CIITA: variants seen among roughly 807,000 people sequenced by gnomAD.
The protein encoded by CIITA is class II major histocompatibility complex transactivator, also known as MHC class II transactivator.
A neutral mutation model predicts 115.1 loss-of-function variants in CIITA; 72 were observed. That is an observed-to-expected ratio of 0.63 (90% confidence interval 0.52 to 0.76). CIITA has a LOEUF of 0.76. Ranked by LOEUF, CIITA falls within the 30% of genes least tolerant of loss-of-function variation. CIITA has a pLI of 0.00. For missense variants in CIITA, 1,617 were observed against 1,463.8 expected (o/e 1.10, Z -1.71); for synonymous variants, 763 against 635.6 (o/e 1.20, Z -3.02).
At chr16:10,918,399 A>G in intron 15 of CIITA, 41 bp from the exon 16 acceptor site, 1 of 1,556,198 alleles carries the variant, frequency 6.4e-7, no homozygotes, top group Non-Finnish European at 8.9e-7. Context: ...TGAGGCATGC[A>G]AGTTTGGTCC....
rs2041107251 is a variant in CIITA, at chr16:10,941,871, G to A, written n.997G>A. 1 of 1,612,288 alleles carries A rather than the reference G, an allele frequency of 6.2e-7. No homozygotes were observed. The highest frequency in any genetic ancestry group is 8.5e-7 in the Non-Finnish European group (1 of 1,179,774). On this transcript the variant is annotated non_coding_transcript_exon_variant, in exon 2 of 2. Coordinates refer to the CIITA transcript ENST00000573379. This position sits in a 1 kb window ranked among gnomAD's most constrained non-coding sequence, Gnocchi z 6.4. ...CGTTGAGGACGATGTACTCCATGAG[G>A]AAGGCGTAGTACAGGATCAGCACAT...
chr16:10,896,508 G>T (rs1207156371), intron 3 of CIITA, among the ~76,000 whole-genome samples: 1 of 152,222 alleles, frequency 6.6e-6, no homozygotes, highest in Non-Finnish European at 1.5e-5. Context: ...GTTGCTGCTA[G>T]TGGTTTGTTT....
chr16:10,922,539 G>C (rs375592261), intron 18 of CIITA, 49 bp downstream of exon 18: 3 of 1,575,822 alleles, frequency 1.9e-6, no homozygotes, highest in South Asian at 1.1e-5. Flanking sequence ...CTCCCCAGGC[G>C]TGTGGCCCAG....
intron 3 of CIITA, among the ~76,000 whole-genome samples, chr16:10,896,197 G>A (rs183880922): frequency 6.6e-6 from 1 of 152,074 alleles, no homozygotes; most frequent in Non-Finnish European, 1.5e-5. Context: ...TTATCATCTG[G>A]AATCCTTACA....
At chr16:10,877,550 T>G (rs1011045139) in intron 1 of CIITA, among the ~76,000 whole-genome samples, 168 bp downstream of exon 1, 3 of 152,186 alleles carry the variant, frequency 2.0e-5, no homozygotes, top group Admixed American at 6.5e-5. Context: ...GTTGTCTATT[T>G]CCTTCCACCG....
intron 16 of CIITA, among the ~76,000 whole-genome samples, chr16:10,919,019 T>C (rs927470168): frequency 6.6e-6 from 1 of 152,100 alleles, no homozygotes; most frequent in Non-Finnish European, 1.5e-5. Flanking sequence ...ATGAGCGGAC[T>C]GAGCTTGGAC....
At chr16:10,869,830 C>T (rs2035355086) in intron 1 of CIITA, among the ~76,000 whole-genome samples, 1 of 152,136 alleles carries the variant, frequency 6.6e-6, no homozygotes, top group South Asian at 2.1e-4. Context: ...GTATATCTTA[C>T]TTTTGTATTA....
chr16:10,868,073 T>C (rs2035219006), intron 1 of CIITA, among the ~76,000 whole-genome samples: 1 of 152,176 alleles, frequency 6.6e-6, no homozygotes, highest in South Asian at 2.1e-4. Flanking sequence ...GGTCATAACT[T>C]TCTAAAGACG....
intron 1 of CIITA, among the ~76,000 whole-genome samples, chr16:10,889,210 T>A (rs1055966071): frequency 6.6e-6 from 1 of 152,170 alleles, no homozygotes; most frequent in African/African-American, 2.4e-5. Context: ...CATCCCGCTC[T>A]GGCAATGTGG....
chr16:10,907,559 G>C lies in CIITA; in HGVS notation c.2067G>C (p.Ala689=). 6.2e-7 allele frequency: 1 copy of C among 1,614,150 alleles called. No individual in the cohort carries two copies. Among genetic ancestry groups the C allele is most frequent in the Non-Finnish European group, 8.5e-7 (1 of 1,180,024 alleles). ...CATCCGCAGACGTGAGGACCTGGGC[G>C]ATGGCCAAAGGCTTAGTCCAACACC... is the stretch of plus-strand genomic sequence containing the variant. The part of the protein sequence containing the change: ...QFPSADVRTW[A]MAKGLVQHPP... The change falls in exon 11 of 20, where the codon GCG becomes GCC. Residue 689 remains alanine, a synonymous_variant. Transcript: ENST00000324288. The surrounding 1 kb of genome is among the most constrained non-coding windows in gnomAD (Gnocchi z 5.0).
intron 3 of CIITA, among the ~76,000 whole-genome samples, chr16:10,896,981 T>C (rs771617971): frequency 2.0e-5 from 3 of 152,216 alleles, no homozygotes; most frequent in Non-Finnish European, 1.5e-5. Context: ...GACATTCACA[T>C]TTCCTCACAA....
chr16:10,876,224 AG>A (rs2035832836), upstream of CIITA, among the ~76,000 whole-genome samples: 1 of 152,238 alleles, frequency 6.6e-6, no homozygotes, highest in Non-Finnish European at 1.5e-5. Context: ...TATGTTGCCC[AG>A]GCTAGCCTCC....
Position 10,898,747 on chromosome 16 carries a change from G to A in CIITA, c.358+15G>A. On this transcript the variant is annotated intron_variant, in intron 4 of 19. Coordinates refer to ENST00000324288, the MANE Select transcript of CIITA (RefSeq NM_000246.4). Reference sequence around the variant, plus strand: ...GGACATTTTCAGTAAGTTTGTGGTGGGTGGGGAGGTCTTGGCTCAGCCTGC... The same window carrying A: ...GGACATTTTCAGTAAGTTTGTGGTGAGTGGGGAGGTCTTGGCTCAGCCTGC... 4.3e-6 allele frequency: 7 copies of A among 1,611,244 alleles called. No individual in the cohort carries two copies. The highest frequency in any genetic ancestry group is 5.9e-6 in the Non-Finnish European group (7 of 1,178,748).
At chr16:10,910,286 G>T in intron 13 of CIITA, 27 bp downstream of exon 13, 1 of 1,605,626 alleles carries the variant, frequency 6.2e-7, no homozygotes, top group Non-Finnish European at 8.5e-7. Flanking sequence ...ATTGTCTTGT[G>T]GGTCTGCGCA....
chr16:10,886,578 T>C (rs141234227), intron 1 of CIITA, among the ~76,000 whole-genome samples: 20 of 152,334 alleles, frequency 1.3e-4, no homozygotes, highest in African/African-American at 4.8e-4. Flanking sequence ...AGCGGCCCCA[T>C]CCATCTACAT....
In CIITA at chr16:10,909,120, A is replaced by G; in HGVS notation, c.2749A>G (p.Ile917Val). ...TCAGGCAGCAGAGGAGAAGTTCACCATCGAGCCTTTCAAAGCCAAGTCCCT... is the reference window on the plus strand; with the variant it reads ...TCAGGCAGCAGAGGAGAAGTTCACCGTCGAGCCTTTCAAAGCCAAGTCCCT... The part of the protein sequence containing the change: ...LLQAAEEKFT[I>V]EPFKAKSLKD... Residue 917 changes from isoleucine to valine, a missense_variant, in exon 12 of 20, where the codon ATC (isoleucine) becomes GTC (valine). Ile to Val is a conservative substitution (Grantham distance 29). Transcript: ENST00000324288. 1 of 1,614,234 alleles carries G rather than the reference A, an allele frequency of 6.2e-7. No homozygotes were observed. Among genetic ancestry groups the G allele is most frequent in the Non-Finnish European group, 8.5e-7 (1 of 1,180,054 alleles).
Position 10,884,721 on chromosome 16 carries a change from T to C in CIITA, c.52+7339T>C, listed in dbSNP as rs546270481. ...CAGGTGTGATCTCAGACAGCTTACCTCTTAATCACCTTTCCATCTGAGCTG... is the reference window on the plus strand; with the variant it reads ...CAGGTGTGATCTCAGACAGCTTACCCCTTAATCACCTTTCCATCTGAGCTG... On this transcript the variant is annotated intron_variant, in intron 1 of 19. Transcript: ENST00000324288. 1.1e-4 allele frequency among the ~76,000 whole-genome samples: 17 copies of C among 152,212 alleles called. No individual in the cohort carries two copies. The South Asian group carries it at 3.1e-3, about 28-fold the overall frequency.
chr16:10,937,521 T>C (rs2041045595), downstream of CIITA: 1 of 152,254 alleles, frequency 6.6e-6, no homozygotes, highest in Non-Finnish European at 1.5e-5. This position sits in a 1 kb window ranked among gnomAD's most constrained non-coding sequence, Gnocchi z 4.2. Flanking sequence ...GATAGACCAA[T>C]GCATCGATAA....
Position 10,909,016 on chromosome 16 carries a change from C to A in CIITA, c.2658-13C>A, listed in dbSNP as rs1249919785. ...TGGTCACCGTGCCTGGGTCTGAGGC[C>A]CTCCCTCCACAGGGCTGCCTTGAGC... On this transcript the variant is annotated splice_polypyrimidine_tract_variant and intron_variant, in intron 11 of 19. Coordinates refer to ENST00000324288, the MANE Select transcript of CIITA (RefSeq NM_000246.4). The A allele has an allele frequency of 6.2e-7, 1 of 1,613,920 alleles. No individual in the cohort carries two copies. The highest frequency in any genetic ancestry group is 1.3e-5 in the African/African-American group (1 of 74,914).
Sources: allele counts gnomAD v4.1 joint callset (sites outside exome capture counted in the v4.1 genomes callset), GRCh38; gene constraint gnomAD v4.1.1; non-coding constraint Gnocchi (gnomAD v3.1); transcripts MANE v1.5; gene names NCBI Gene and HGNC (gene_info 2026-07-23, HGNC 2026-07-21).